Variants in PTTG1IP2 observed in about 807,000 individuals in gnomAD.
PTTG1IP2 encodes the protein PTTG1IP family member 2.
At chr7:90,479,848 C>G (rs718904) in intron 2 of PTTG1IP2, among the ~76,000 whole-genome samples, 1 of 152,134 alleles carries the variant, frequency 6.6e-6, no homozygotes, top group Non-Finnish European at 1.5e-5. Context: ...GGATAACAGA[C>G]GATACTAAAA....
At chr7:90,509,820 C>T (rs11563312) in intron 6 of PTTG1IP2, among the ~76,000 whole-genome samples, 7,369 of 152,152 alleles carry the variant, frequency 0.048, 442 homozygotes, top group East Asian at 0.16. Context: ...TGGTCAGGAG[C>T]ACCAAATGCA....
At chr7:90,485,953 C>T (rs1420596947) in intron 2 of PTTG1IP2, among the ~76,000 whole-genome samples, 2 of 152,288 alleles carry the variant, frequency 1.3e-5, no homozygotes, top group Non-Finnish European at 2.9e-5. Context: ...CTTTGCAGTT[C>T]CAGTCTTTCG....
intron 1 of PTTG1IP2, among the ~76,000 whole-genome samples, chr7:90,470,785 A>G (rs1300384696): frequency 6.6e-6 from 1 of 152,090 alleles, no homozygotes; most frequent in Non-Finnish European, 1.5e-5. Flanking sequence ...GGTCACCTCT[A>G]TACATACTCT....
chr7:90,480,474 G>T (rs1797803079), intron 2 of PTTG1IP2, among the ~76,000 whole-genome samples: 1 of 151,994 alleles, frequency 6.6e-6, no homozygotes, highest in Non-Finnish European at 1.5e-5. Context: ...ATACCCCGAA[G>T]AGCCATCTTG....
intron 6 of PTTG1IP2, among the ~76,000 whole-genome samples, chr7:90,498,219 G>A (rs2116104189): frequency 6.6e-6 from 1 of 152,226 alleles, no homozygotes; most frequent in East Asian, 1.9e-4. Flanking sequence ...TAGAGACGGG[G>A]TTTCACTGTG....
chr7:90,496,759 C>T (rs569916388), intron 6 of PTTG1IP2, among the ~76,000 whole-genome samples: 1 of 151,808 alleles, frequency 6.6e-6, no homozygotes, highest in African/African-American at 2.4e-5. Context: ...TGTTCTTTTT[C>T]TAGTCCTTTG....
At chr7:90,472,454 G>C (rs933428936) in intron 1 of PTTG1IP2, among the ~76,000 whole-genome samples, 1 of 152,142 alleles carries the variant, frequency 6.6e-6, no homozygotes, top group Non-Finnish European at 1.5e-5. Context: ...CAAGATATCA[G>C]AATGAAATTA....
At chr7:90,507,571 GA>G (rs1798137955) in intron 6 of PTTG1IP2, among the ~76,000 whole-genome samples, 1 of 152,126 alleles carries the variant, frequency 6.6e-6, no homozygotes, top group Non-Finnish European at 1.5e-5. Context: ...TCGGGCAAGG[GA>G]AGGAGCCAGG....
At chr7:90,480,784 A>G (rs1797807051) in intron 2 of PTTG1IP2, among the ~76,000 whole-genome samples, 1 of 152,056 alleles carries the variant, frequency 6.6e-6, no homozygotes, top group Non-Finnish European at 1.5e-5. Flanking sequence ...TTTAATCTAT[A>G]TGTCCCTTCT....
In PTTG1IP2 at chr7:90,498,711, A is replaced by T. The variant is rs945918792; in HGVS notation, c.*50+4281A>T. Among the ~76,000 whole-genome samples the T allele has an allele frequency of 9.9e-5, 15 of 152,238 alleles. No homozygotes were observed. The East Asian group carries it at 2.9e-3, about 29-fold the overall frequency. The stretch of plus-strand genomic sequence containing the variant: ...TATTTTTGTGCATCTGTTCACTGCT[A>T]TTGATCTATCTGGATAATAGTTTCC... On this transcript the variant is annotated intron_variant, in intron 6 of 6. Transcript: ENST00000509356.
chr7:90,482,985 G>A (rs1367793286), intron 2 of PTTG1IP2, among the ~76,000 whole-genome samples: 1 of 152,064 alleles, frequency 6.6e-6, no homozygotes, highest in African/African-American at 2.4e-5. Flanking sequence ...ATTTATAAAT[G>A]TCATACCTTA....
intron 6 of PTTG1IP2, among the ~76,000 whole-genome samples, chr7:90,505,326 G>C (rs946738048): frequency 6.6e-6 from 1 of 152,210 alleles, no homozygotes; most frequent in African/African-American, 2.4e-5. Flanking sequence ...GACTGCAGGT[G>C]AGATGAGATG....
intron 6 of PTTG1IP2, among the ~76,000 whole-genome samples, chr7:90,512,011 A>G (rs1584703869): frequency 6.6e-6 from 1 of 152,222 alleles, no homozygotes; most frequent in East Asian, 1.9e-4. Context: ...GCAGCACCTT[A>G]TAGTTCTTGA....
chr7:90,484,939 C>T (rs1006566695), intron 2 of PTTG1IP2, among the ~76,000 whole-genome samples: 1 of 152,170 alleles, frequency 6.6e-6, no homozygotes, highest in African/African-American at 2.4e-5. Context: ...GCAGATCTAA[C>T]CCAATGTCTG....
chr7:90,508,298 T>C (rs1798147506), intron 6 of PTTG1IP2, among the ~76,000 whole-genome samples: 1 of 145,092 alleles, frequency 6.9e-6, no homozygotes. Flanking sequence ...AAAGAAAAAA[T>C]ATTTCTACAG....
intron 1 of PTTG1IP2, among the ~76,000 whole-genome samples, chr7:90,472,309 C>T (rs1260183520): frequency 1.1e-4 from 12 of 110,122 alleles, no homozygotes; most frequent in African/African-American, 3.7e-4. Context: ...CACACACACA[C>T]ACACACACAC....
In PTTG1IP2 at chr7:90,496,947, G is replaced by A. The variant is rs112675588; in HGVS notation, c.*50+2517G>A. ...TCCATTTGTTTTCTTTTTTGACCCC[G>A]TGGTTGTTCAGAGAATGTCGTTTAA... On this transcript the variant is annotated intron_variant, in intron 6 of 6. Transcript: ENST00000509356. 1.1e-3 allele frequency among the ~76,000 whole-genome samples: 174 copies of A among 152,040 alleles called. 1 individual carries two copies. Among genetic ancestry groups the A allele is most frequent in the African/African-American group, 3.6e-3 (151 of 41,470 alleles).
chr7:90,504,295 G>A (rs771774222), intron 6 of PTTG1IP2, among the ~76,000 whole-genome samples: 2 of 151,158 alleles, frequency 1.3e-5, no homozygotes, highest in African/African-American at 2.4e-5. Context: ...CAGCCCGGGC[G>A]ACAGAGTGAG....
At chr7:90,485,532 TAGA>T (rs768103232) in intron 2 of PTTG1IP2, among the ~76,000 whole-genome samples, 140 of 152,264 alleles carry the variant, frequency 9.2e-4, no homozygotes, top group Non-Finnish European at 4.9e-4. Flanking sequence ...CACTCCTATT[TAGA>T]AGGAGGATAG....
Sources: gnomAD v4.1 joint callset for allele counts (sites outside exome capture counted in the v4.1 genomes callset) on GRCh38, gnomAD v4.1.1 for gene constraint, MANE v1.5 for transcripts, NCBI Gene and HGNC (gene_info 2026-07-23, HGNC 2026-07-21) for gene names.